Variants in UBE2R2 observed in about 807,000 individuals in gnomAD.
UBE2R2 encodes ubiquitin-conjugating enzyme E2 R2.
In UBE2R2, 1 loss-of-function variant was observed where a neutral mutation model predicts 27.8. The observed-to-expected ratio is 0.04, with a 90% CI of 0.01 to 0.17. The LOEUF (loss-of-function observed/expected upper bound fraction) is 0.17, where lower values mean the gene tolerates loss of function less well. Ranked by LOEUF, UBE2R2 falls within the 10% of genes least tolerant of loss-of-function variation. The pLI, the probability that UBE2R2 is intolerant of heterozygous loss-of-function variation, is 1.00. For synonymous variants in UBE2R2, 106 were observed against 113.3 expected (o/e 0.94, Z 0.41); for missense variants, 100 against 291.0 (o/e 0.34, Z 4.78).
chr9:33,906,110 T>TTGC (rs1441299585), intron 3 of UBE2R2, among the ~76,000 whole-genome samples: 2 of 138,938 alleles, frequency 1.4e-5, no homozygotes, highest in East Asian at 2.5e-4. Flanking sequence ...GTCGTCGTTG[T>TTGC]TGCTGTTGTT....
chr9:33,843,300 TG>T (rs1450665471), intron 1 of UBE2R2, among the ~76,000 whole-genome samples: 2 of 151,526 alleles, frequency 1.3e-5, no homozygotes, highest in Non-Finnish European at 2.9e-5. Flanking sequence ...TTGCCCACCT[TG>T]GGCTTGCAAA....
At chr9:33,897,897 T>C (rs1822155932) in intron 2 of UBE2R2, among the ~76,000 whole-genome samples, 2 of 149,364 alleles carry the variant, frequency 1.3e-5, no homozygotes, top group Admixed American at 1.4e-4. Flanking sequence ...TGCCTCAGCC[T>C]CTCGAGTAGC....
intron 2 of UBE2R2, among the ~76,000 whole-genome samples, chr9:33,891,448 C>CT (rs1323345342): frequency 2.0e-5 from 3 of 151,868 alleles, no homozygotes; most frequent in Non-Finnish European, 2.9e-5. Context: ...GAGTTCAGGA[C>CT]TAGCCTGGCC....
At chr9:33,815,582 T>C (rs1465291708), upstream of UBE2R2, among the ~76,000 whole-genome samples, 1 of 152,128 alleles carries the variant, frequency 6.6e-6, no homozygotes, top group Non-Finnish European at 1.5e-5. Flanking sequence ...CCGTCTCTAC[T>C]AAAAATACAA....
intron 3 of UBE2R2, among the ~76,000 whole-genome samples, chr9:33,909,791 T>C (rs994659598): frequency 5.9e-5 from 9 of 152,226 alleles, no homozygotes; most frequent in Non-Finnish European, 1.2e-4. Context: ...CAAGGAGTTA[T>C]CCTTAACCTA....
intron 3 of UBE2R2, among the ~76,000 whole-genome samples, chr9:33,909,283 T>C (rs1212137025): frequency 6.6e-6 from 1 of 152,018 alleles, no homozygotes; most frequent in African/African-American, 2.4e-5. Context: ...GTCAGGAGTT[T>C]GAGACCACCC....
chr9:33,911,888 C>A, intron 3 of UBE2R2, 76 bp from the exon 4 acceptor site: 1 of 1,360,884 alleles, frequency 7.3e-7, no homozygotes, highest in Non-Finnish European at 9.7e-7. Flanking sequence ...TCTGATTGTA[C>A]TATCTTAAAA....
intron 1 of UBE2R2, among the ~76,000 whole-genome samples, chr9:33,826,899 G>A (rs1278302127): frequency 1.3e-5 from 2 of 152,010 alleles, no homozygotes; most frequent in Non-Finnish European, 2.9e-5. Flanking sequence ...CCTGGACAGC[G>A]TGGTGAAACC....
chr9:33,908,267 T>TA (rs1822407959), intron 3 of UBE2R2, among the ~76,000 whole-genome samples: 3 of 152,252 alleles, frequency 2.0e-5, no homozygotes. Context: ...GGTGTCCATC[T>TA]AATCAAGAAT....
rs1193094737 is a variant in UBE2R2, at chr9:33,918,218, C to G, written c.*981C>G. On this transcript the variant is annotated 3_prime_UTR_variant, in exon 5 of 5. Coordinates refer to ENST00000263228, the MANE Select transcript of UBE2R2 (RefSeq NM_017811.4). Reference sequence around the variant, plus strand: ...GCATGGCCTTCCCATCAAAAATACACTCGTACCATGACGTTTTGTTTTTGT... The same window carrying G: ...GCATGGCCTTCCCATCAAAAATACAGTCGTACCATGACGTTTTGTTTTTGT... 1 of 152,134 alleles carries G rather than the reference C, an allele frequency of 6.6e-6. No homozygotes were observed. Among genetic ancestry groups the G allele is most frequent in the Admixed American group, 6.5e-5 (1 of 15,270 alleles). 9.4% of individuals were successfully genotyped at this position (152,134 alleles called of 1,614,324 possible). A position where few individuals can be genotyped will look rare whatever the true frequency, so the allele number is the denominator to read the frequency against.
chr9:33,917,516 C>T lies in UBE2R2; in HGVS notation c.*279C>T, dbSNP rs964557168. On this transcript the variant is annotated 3_prime_UTR_variant, in exon 5 of 5. Transcript: ENST00000263228. ...TTTAAAAAATATGAACCCAAACTCC[C>T]GCCTCACTTCGTCTCTACAGAATGT... The T allele has an allele frequency of 9.3e-5, 51 of 547,750 alleles. No individual in the cohort carries two copies. The South Asian group carries it at 1.3e-3, about 14-fold the overall frequency. The allele number at this position is 547,750 out of a possible 1,614,324, so 33.9% of individuals were successfully genotyped here. A position where few individuals can be genotyped will look rare whatever the true frequency, so the allele number is the denominator to read the frequency against.
chr9:33,891,062 T>TTTTTTTTGTTTTTTG (rs1353934604), intron 2 of UBE2R2, among the ~76,000 whole-genome samples: 7 of 149,166 alleles, frequency 4.7e-5, no homozygotes, highest in African/African-American at 1.7e-4. Flanking sequence ...TTTGTTTTTT[T>TTTTTTTTGTTTTTTG]TTTTTGAGAT....
At chr9:33,825,520 C>T (rs1820297394) in intron 1 of UBE2R2, among the ~76,000 whole-genome samples, 2 of 152,058 alleles carry the variant, frequency 1.3e-5, no homozygotes, top group South Asian at 4.1e-4. Context: ...GGATTACAGG[C>T]ATGAGCCACC....
intron 3 of UBE2R2, among the ~76,000 whole-genome samples, chr9:33,900,711 A>G (rs58706694): frequency 0.21 from 31,193 of 152,002 alleles, 3,937 homozygotes; most frequent in East Asian, 0.59. Flanking sequence ...ATATATATCT[A>G]TATATGTACG....
rs181595286 is a variant in UBE2R2 at position 33,918,231 on chromosome 9, G to A, written c.*994G>A. 10 of 152,110 alleles carry A rather than the reference G, an allele frequency of 6.6e-5. No individual in the cohort carries two copies. The East Asian group carries it at 1.9e-3, about 29-fold the overall frequency. 9.4% of individuals were successfully genotyped at this position (152,110 alleles called of 1,614,324 possible). A position where few individuals can be genotyped will look rare whatever the true frequency, so the allele number is the denominator to read the frequency against. ...ATCAAAAATACACTCGTACCATGACGTTTTGTTTTTGTTTTTTAAGTAGCC... is the reference window on the plus strand; with the variant it reads ...ATCAAAAATACACTCGTACCATGACATTTTGTTTTTGTTTTTTAAGTAGCC... On this transcript the variant is annotated 3_prime_UTR_variant, in exon 5 of 5. Coordinates refer to ENST00000263228, the MANE Select transcript of UBE2R2 (RefSeq NM_017811.4).
intron 1 of UBE2R2, among the ~76,000 whole-genome samples, chr9:33,866,303 A>G (rs1211334523): frequency 6.6e-6 from 1 of 150,622 alleles, no homozygotes; most frequent in Non-Finnish European, 1.5e-5. Context: ...CAGTGGCATG[A>G]TCTCAGCTCA....
intron 1 of UBE2R2, among the ~76,000 whole-genome samples, chr9:33,883,543 ATC>A (rs992246249): frequency 4.0e-5 from 6 of 151,582 alleles, no homozygotes; most frequent in African/African-American, 1.2e-4. Context: ...GTGAAACCCC[ATC>A]TCTACTAAAA....
At chr9:33,915,815 A>C (rs1822627655) in intron 4 of UBE2R2, among the ~76,000 whole-genome samples, 1 of 152,090 alleles carries the variant, frequency 6.6e-6, no homozygotes, top group Non-Finnish European at 1.5e-5. Flanking sequence ...TAAGTAGGAT[A>C]ATGTGAAAGA....
At position 33,920,055 on chromosome 9, in the gene UBE2R2, A is replaced by T. The variant is rs1327310163; in HGVS notation, c.*2818A>T. Reference sequence around the variant, plus strand: ...TGCTTCTTTACTTGCTGGTTTCCTTACGTTTGGGGCACATGTTGTAAGAAA... The same window carrying T: ...TGCTTCTTTACTTGCTGGTTTCCTTTCGTTTGGGGCACATGTTGTAAGAAA... On this transcript the variant is annotated 3_prime_UTR_variant, in exon 5 of 5. Coordinates refer to ENST00000263228, the MANE Select transcript of UBE2R2 (RefSeq NM_017811.4). The T allele has an allele frequency of 6.6e-6, 1 of 152,384 alleles. No homozygotes were observed. Among genetic ancestry groups the T allele is most frequent in the Non-Finnish European group, 1.5e-5 (1 of 68,014 alleles). The allele number at this position is 152,384 out of a possible 1,614,324, so 9.4% of individuals were successfully genotyped here.
Sources: gnomAD v4.1 joint callset for allele counts (sites outside exome capture counted in the v4.1 genomes callset) on GRCh38, gnomAD v4.1.1 for gene constraint, MANE v1.5 for transcripts, NCBI Gene and HGNC (gene_info 2026-07-23, HGNC 2026-07-21) for gene names.